ZSCAN18: variants seen among roughly 807,000 people sequenced by gnomAD.
The protein encoded by ZSCAN18 is zinc finger and SCAN domain-containing protein 18.
Under a neutral mutation model 31.1 loss-of-function variants are expected in ZSCAN18, and 16 were observed. That is an observed-to-expected ratio of 0.51 (90% CI 0.35 to 0.78). ZSCAN18 has a LOEUF of 0.78. Among genes scored for constraint, ZSCAN18 ranks in the 30% least tolerant of loss-of-function variants. ZSCAN18 has a pLI of 0.01. For synonymous variants in ZSCAN18, 375 were observed against 320.7 expected (o/e 1.17, Z -1.81); for missense variants, 731 against 697.4 (o/e 1.05, Z -0.54).
chr19:58,112,641 A>G (rs373238848), intron 1 of ZSCAN18, among the ~76,000 whole-genome samples: 1 of 149,300 alleles, frequency 6.7e-6, no homozygotes, highest in East Asian at 2.1e-4. Context: ...ACAGAGCAAG[A>G]CTGTCTCAAA....
At chr19:58,100,064 G>C (rs1476379511), upstream of ZSCAN18, among the ~76,000 whole-genome samples, 2 of 149,464 alleles carry the variant, frequency 1.3e-5, no homozygotes, top group Admixed American at 6.8e-5. Context: ...AGGCTCAAGT[G>C]ATCCTCACCT....
intron 2 of ZSCAN18, 114 bp downstream of exon 2, chr19:58,089,751 C>G (rs1331357791): frequency 1.5e-6 from 2 of 1,328,532 alleles, no homozygotes; most frequent in Admixed American, 4.8e-5. Flanking sequence ...CAAGGAGCTG[C>G]CTCAGCAGTG....
intron 1 of ZSCAN18, among the ~76,000 whole-genome samples, chr19:58,111,569 T>C (rs1350401661): frequency 1.3e-5 from 2 of 152,122 alleles, no homozygotes; most frequent in Admixed American, 6.5e-5. Context: ...CTCACTATGT[T>C]GTCCAGGCTG....
intron 1 of ZSCAN18, among the ~76,000 whole-genome samples, chr19:58,093,772 CT>C (rs925647441): frequency 3.4e-5 from 5 of 148,974 alleles, no homozygotes; most frequent in Non-Finnish European, 6.0e-5. Flanking sequence ...AATGCAATCA[CT>C]TTTTTTTTTG....
In ZSCAN18 at chr19:58,090,538, A is replaced by G. The variant is rs1454198665; in HGVS notation, c.-119-152T>C. 7 of 619,204 alleles carry G rather than the reference A, an allele frequency of 1.1e-5. No homozygotes were observed. Among genetic ancestry groups the G allele is most frequent in the Non-Finnish European group, 1.6e-5 (6 of 379,986 alleles). 38.4% of individuals were successfully genotyped at this position (619,204 alleles called of 1,614,324 possible). ...TCAGTAGAACCTCAGTGTTGTACTCATGTAGATAAAAAGTAGCATGTAAAT... is the reference window on the plus strand; with the variant it reads ...TCAGTAGAACCTCAGTGTTGTACTCGTGTAGATAAAAAGTAGCATGTAAAT... On this transcript the variant is annotated intron_variant, in intron 1 of 6. Coordinates refer to ENST00000601144, the MANE Select transcript of ZSCAN18 (RefSeq NM_001145543.2). This position sits in a 1 kb window ranked among gnomAD's most constrained non-coding sequence, Gnocchi z 4.7.
chr19:58,086,962 C>T lies in ZSCAN18; in HGVS notation c.689G>A (p.Gly230Asp), dbSNP rs747068294. 3.7e-6 allele frequency: 6 copies of T among 1,613,924 alleles called. No individual in the cohort carries two copies. In the South Asian group the frequency reaches 4.4e-5, roughly 12 times the overall value. ...GTTCTCCTCGGCAGGGTCCAGGTGG[C>T]CCCACTCCCCCAGGTGCTGAGGGTC... is the stretch of plus-strand genomic sequence containing the variant. ...PEDPQHLGEW[G>D]HLDPAEENLK... The change falls in exon 5 of 7, where the codon GGC (glycine) becomes GAC (aspartate). Residue 230 changes from glycine to aspartate, a missense_variant. Transcript: ENST00000601144.
At position 58,084,807 on chromosome 19, in the gene ZSCAN18, G is replaced by A. The variant is rs1403753401; in HGVS notation, c.1411C>T (p.Leu471=). 2 of 1,585,246 alleles carry A rather than the reference G, an allele frequency of 1.3e-6. No homozygotes were observed. Among genetic ancestry groups the A allele is most frequent in the Admixed American group, 1.8e-5 (1 of 56,718 alleles). The change falls in exon 7 of 7, where the codon CTG becomes TTG. Residue 471 remains leucine (L), a synonymous_variant. Coordinates refer to ENST00000601144, the MANE Select transcript of ZSCAN18 (RefSeq NM_001145543.2). The surrounding 1 kb of genome is among the most constrained non-coding windows in gnomAD (Gnocchi z 4.5). ...KTHEKEKSYA[L]GGARGPQPST... is the part of the protein sequence containing the mutation. ...GGTTGGGGGCCCCGGGCGCCCCCCA[G>A]CGCGTAGCTTTTCTCCTTCTCGTGG...
chr19:58,108,068 A>G (rs2074650360), intron 1 of ZSCAN18: 2 of 996,938 alleles, frequency 2.0e-6, no homozygotes, highest in South Asian at 9.3e-5. Flanking sequence ...TCAGTGAAAG[A>G]TTTTTTCACA....
chr19:58,097,036 A>T (rs2074531082), intron 1 of ZSCAN18, among the ~76,000 whole-genome samples: 1 of 152,108 alleles, frequency 6.6e-6, no homozygotes, highest in Non-Finnish European at 1.5e-5. Flanking sequence ...TCGATGCGAC[A>T]CGTGGTCCCG....
At chr19:58,115,863 C>T (rs1377395273) in intron 1 of ZSCAN18, among the ~76,000 whole-genome samples, 2 of 152,006 alleles carry the variant, frequency 1.3e-5, no homozygotes, top group African/African-American at 4.8e-5. Context: ...ATTTTGAAAA[C>T]CTACAGGCTA....
intron 1 of ZSCAN18, among the ~76,000 whole-genome samples, chr19:58,106,729 G>A (rs796658715): frequency 0.053 from 433 of 8,166 alleles, 102 homozygotes; most frequent in African/African-American, 0.1. Flanking sequence ...AAAAAAAAAA[G>A]AAAGAAAGAA....
intron 4 of ZSCAN18, 56 bp downstream of exon 4, chr19:58,087,260 G>A: frequency 2.0e-6 from 3 of 1,507,886 alleles, no homozygotes; most frequent in Non-Finnish European, 2.7e-6. Context: ...GATGGGGAGG[G>A]GGATGCCTCT....
rs2074214543 is a variant in ZSCAN18, at chr19:58,084,301, C to T, written c.*384G>A. On this transcript the variant is annotated 3_prime_UTR_variant, in exon 7 of 7. Coordinates refer to ENST00000601144, the MANE Select transcript of ZSCAN18 (RefSeq NM_001145543.2). The surrounding 1 kb of genome is among the most constrained non-coding windows in gnomAD (Gnocchi z 4.5). ...TTTCCACTTGAGCAACCCTGGGGAG[C>T]GCAAACAGGAGGAATCGGGGCAAGG... 2 of 187,382 alleles carry T rather than the reference C, an allele frequency of 1.1e-5. No individual in the cohort carries two copies. The highest frequency in any genetic ancestry group is 2.2e-5 in the Non-Finnish European group (2 of 91,662). 11.6% of individuals were successfully genotyped at this position (187,382 alleles called of 1,614,324 possible).
At chr19:58,089,830 CCT>C (rs779045209) in intron 2 of ZSCAN18, 33 bp downstream of exon 2, 1 of 1,577,754 alleles carries the variant, frequency 6.3e-7, no homozygotes. Context: ...CTCCCCATCT[CCT>C]CTGAGCCATG....
chr19:58,085,638 A>T, intron 6 of ZSCAN18: 1 of 504,850 alleles, frequency 2.0e-6, no homozygotes. Context: ...AGCCCCACTG[A>T]GCCCGGGTTC....
At chr19:58,085,856 C>G (rs549009870) in intron 6 of ZSCAN18, 1 of 374,314 alleles carries the variant, frequency 2.7e-6, no homozygotes, top group Non-Finnish European at 4.9e-6. Flanking sequence ...AAGTCCGCCT[C>G]TAGGTGTTCT....
chr19:58,086,736 G>C (rs2074288244), intron 5 of ZSCAN18, 170 bp downstream of exon 5: 1 of 589,576 alleles, frequency 1.7e-6, no homozygotes, highest in African/African-American at 1.9e-5. Context: ...GTTTAGATCA[G>C]AAAGGGTGGG....
intron 1 of ZSCAN18, among the ~76,000 whole-genome samples, chr19:58,104,121 G>C (rs1457372304): frequency 6.6e-6 from 1 of 152,230 alleles, no homozygotes; most frequent in Non-Finnish European, 1.5e-5. Flanking sequence ...GCTCATGCCT[G>C]TAATCCCAAC....
intron 1 of ZSCAN18, among the ~76,000 whole-genome samples, chr19:58,115,726 CAAATT>C (rs1172383126): frequency 6.6e-6 from 1 of 152,146 alleles, no homozygotes; most frequent in Non-Finnish European, 1.5e-5. Context: ...TTTACAATGA[CAAATT>C]AAAATTCAAA....
Sources: allele counts gnomAD v4.1 joint callset (sites outside exome capture counted in the v4.1 genomes callset), GRCh38; gene constraint gnomAD v4.1.1; non-coding constraint Gnocchi (gnomAD v3.1); transcripts MANE v1.5; gene names NCBI Gene and HGNC (gene_info 2026-07-23, HGNC 2026-07-21).